ZCCHC2: variants seen among roughly 807,000 people sequenced by gnomAD.
ZCCHC2 encodes the protein zinc finger CCHC domain-containing protein 2.
ZCCHC2 carries 39 observed loss-of-function variants against 103.6 expected under a neutral mutation model. The observed-to-expected ratio is 0.38, with a 90% CI of 0.29 to 0.49. ZCCHC2 has a LOEUF of 0.49. ZCCHC2 is among the 20% of genes least tolerant of loss of function. The pLI, the probability that ZCCHC2 is intolerant of heterozygous loss-of-function variation, is 0.96. For synonymous variants in ZCCHC2, 687 were observed against 608.9 expected (o/e 1.13, Z -1.89); for missense variants, 1,483 against 1,491.0 (o/e 0.99, Z 0.09).
chr18:62,536,349 C>G (rs1003219467), intron 1 of ZCCHC2, among the ~76,000 whole-genome samples: 1 of 152,220 alleles, frequency 6.6e-6, no homozygotes, highest in Non-Finnish European at 1.5e-5. Flanking sequence ...GGTTTAGAAT[C>G]TTTAAACCCT....
At chr18:62,582,197 C>T (rs1917054457), downstream of ZCCHC2, among the ~76,000 whole-genome samples, 2 of 152,160 alleles carry the variant, frequency 1.3e-5, no homozygotes, top group South Asian at 4.1e-4. Flanking sequence ...TTGAGGAAAT[C>T]CTCAGGTGGT....
intron 14 of ZCCHC2, among the ~76,000 whole-genome samples, chr18:62,583,665 T>C (rs1396292263): frequency 1.4e-5 from 2 of 142,194 alleles, no homozygotes; most frequent in African/African-American, 5.1e-5. Flanking sequence ...AAAAAAATAC[T>C]GACCCCCCCC....
rs75690268 is a variant in ZCCHC2 at position 62,543,326 on chromosome 18, G to A, written c.1128+752G>A. ...CCTTCATCCATGATACTCTGCCCTCGTACCTTTCACAGATCTTTCCAGTAG... is the reference window on the plus strand; with the variant it reads ...CCTTCATCCATGATACTCTGCCCTCATACCTTTCACAGATCTTTCCAGTAG... On this transcript the variant is annotated intron_variant, in intron 3 of 13. Transcript: ENST00000269499. 1.3e-3 allele frequency among the ~76,000 whole-genome samples: 202 copies of A among 152,018 alleles called. 3 individuals carry two copies. The East Asian group carries it at 0.035, about 26-fold the overall frequency.
intron 7 of ZCCHC2, among the ~76,000 whole-genome samples, chr18:62,559,189 T>G (rs2145517144): frequency 6.6e-6 from 1 of 152,326 alleles, no homozygotes; most frequent in East Asian, 1.9e-4. Context: ...AAATTAGAGC[T>G]TCTCTGTGAC....
chr18:62,557,046 T>G (rs2048793), intron 6 of ZCCHC2, among the ~76,000 whole-genome samples: 1 of 151,934 alleles, frequency 6.6e-6, no homozygotes, highest in East Asian at 1.9e-4. Flanking sequence ...TAAACATACA[T>G]CCTTTTGTCA....
chr18:62,541,632 A>C (rs951481480), intron 2 of ZCCHC2, among the ~76,000 whole-genome samples: 14 of 152,118 alleles, frequency 9.2e-5, no homozygotes, highest in Non-Finnish European at 5.9e-5. Flanking sequence ...TATCAGCCTG[A>C]TATTACCTCC....
chr18:62,583,023 G>A (rs760013769), downstream of ZCCHC2, among the ~76,000 whole-genome samples: 1 of 152,158 alleles, frequency 6.6e-6, no homozygotes, highest in African/African-American at 2.4e-5. Flanking sequence ...AAGATCGCTT[G>A]AGCCCAGCAG....
chr18:62,562,951 TG>T, intron 8 of ZCCHC2, 57 bp from the exon 9 acceptor site: 1 of 1,544,044 alleles, frequency 6.5e-7, no homozygotes, highest in Non-Finnish European at 8.8e-7. Flanking sequence ...TTTGTTGAAA[TG>T]AAATAGGTTA....
At chr18:62,537,325 C>A (rs1914972820) in intron 1 of ZCCHC2, among the ~76,000 whole-genome samples, 1 of 151,952 alleles carries the variant, frequency 6.6e-6, no homozygotes, top group South Asian at 2.1e-4. Context: ...ACCACCACTT[C>A]TGGCTAACAA....
At chr18:62,555,074 T>A (rs1915827697) in intron 5 of ZCCHC2, among the ~76,000 whole-genome samples, 1 of 152,180 alleles carries the variant, frequency 6.6e-6, no homozygotes, top group African/African-American at 2.4e-5. Flanking sequence ...AAGTAGTAGG[T>A]AGGGTGACTG....
intron 4 of ZCCHC2, among the ~76,000 whole-genome samples, chr18:62,548,946 G>A (rs1004126552): frequency 4.0e-5 from 6 of 151,890 alleles, no homozygotes; most frequent in Non-Finnish European, 8.8e-5. Flanking sequence ...TAGGCCAGGC[G>A]TGGTGGCTCA....
intron 11 of ZCCHC2, among the ~76,000 whole-genome samples, chr18:62,567,671 C>T (rs938063945): frequency 2.6e-5 from 4 of 152,060 alleles, no homozygotes; most frequent in Admixed American, 6.5e-5. Context: ...TGGCCAGGCG[C>T]GGTGGCTCAC....
chr18:62,550,333 G>T lies in ZCCHC2; in HGVS notation c.1201-15G>T. 1 of 1,591,606 alleles carries T rather than the reference G, an allele frequency of 6.3e-7. No homozygotes were observed. Among genetic ancestry groups the T allele is most frequent in the Non-Finnish European group, 8.6e-7 (1 of 1,162,152 alleles). On this transcript the variant is annotated splice_polypyrimidine_tract_variant and intron_variant, in intron 4 of 13. Transcript: ENST00000269499. ...GAGAAACTTAACATTGGATATTGTGGTTTTTCTTTTCTAGCTTCCAAAGGA... is the reference window on the plus strand; with the variant it reads ...GAGAAACTTAACATTGGATATTGTGTTTTTTCTTTTCTAGCTTCCAAAGGA...
intron 1 of ZCCHC2, among the ~76,000 whole-genome samples, chr18:62,536,577 A>T (rs1038874077): frequency 6.6e-6 from 1 of 152,170 alleles, no homozygotes; most frequent in African/African-American, 2.4e-5. Context: ...TAAGGAAAGT[A>T]AAGAGGGAGT....
chr18:62,573,406 T>G (rs557020336), intron 12 of ZCCHC2, among the ~76,000 whole-genome samples: 1 of 152,202 alleles, frequency 6.6e-6, no homozygotes, highest in East Asian at 1.9e-4. Flanking sequence ...TTGTTTGTAT[T>G]TGCTGTTTTG....
At chr18:62,560,678 T>A (rs749933814) in intron 8 of ZCCHC2, 34 bp downstream of exon 8, 1 of 1,547,240 alleles carries the variant, frequency 6.5e-7, no homozygotes, top group Admixed American at 1.7e-5. Context: ...AAAAGTGCTT[T>A]GGTATGTTTT....
At chr18:62,559,503 G>C (rs1916029248) in intron 7 of ZCCHC2, among the ~76,000 whole-genome samples, 1 of 152,248 alleles carries the variant, frequency 6.6e-6, no homozygotes, top group Non-Finnish European at 1.5e-5. Flanking sequence ...ATATGAAGCA[G>C]TGGGAACTCT....
chr18:62,565,696 C>T (rs545909689), intron 11 of ZCCHC2, among the ~76,000 whole-genome samples: 53 of 152,104 alleles, frequency 3.5e-4, no homozygotes, highest in Non-Finnish European at 7.4e-4. Context: ...TTAATTGTAA[C>T]GATTAAAAAA....
chr18:62,580,192 T>C (rs1917005185), downstream of ZCCHC2, among the ~76,000 whole-genome samples: 1 of 152,242 alleles, frequency 6.6e-6, no homozygotes, highest in East Asian at 1.9e-4. Context: ...GTTCTTATAT[T>C]TATTCATTTT....
Sources: gnomAD v4.1 joint callset for allele counts (sites outside exome capture counted in the v4.1 genomes callset) on GRCh38, gnomAD v4.1.1 for gene constraint, MANE v1.5 for transcripts, NCBI Gene and HGNC (gene_info 2026-07-23, HGNC 2026-07-21) for gene names.